The following SPIDR variants were observed in gnomAD, a reference collection of about 807,000 sequenced individuals.
SPIDR encodes scaffold protein involved in DNA repair.
SPIDR carries 93 observed loss-of-function variants against 104.6 expected under a neutral mutation model. The ratio of observed to expected loss-of-function variants is 0.89; its 90% CI spans 0.75 to 1.06. The LOEUF (loss-of-function observed/expected upper bound fraction) is 1.06, where lower values mean the gene tolerates loss of function less well. SPIDR is among the 50% of genes least tolerant of loss of function. The pLI is 0.00. For synonymous variants in SPIDR, 431 were observed against 416.9 expected, an observed-to-expected ratio of 1.03 and a Z score of -0.41; for missense variants, 1,154 against 1,111.2, an observed-to-expected ratio of 1.04 and a Z score of -0.55.
intron 8 of SPIDR, among the ~76,000 whole-genome samples, chr8:47,479,460 T>C (rs2076645217): frequency 6.6e-6 from 1 of 152,206 alleles, no homozygotes; most frequent in Non-Finnish European, 1.5e-5. Context: ...TTTCCCCTGC[T>C]CTGACTCCCA....
intron 8 of SPIDR, chr8:47,528,130 T>C (rs902811857): frequency 1.3e-5 from 2 of 152,186 alleles, no homozygotes; most frequent in Non-Finnish European, 2.9e-5. Flanking sequence ...TTTTTTAAAA[T>C]AAATCGTTGT....
chr8:47,712,549 T>G, intron 14 of SPIDR, 113 bp from the exon 15 acceptor site: 1 of 1,196,118 alleles, frequency 8.4e-7, no homozygotes, highest in South Asian at 1.5e-5. Flanking sequence ...TGTTTTAAAG[T>G]GTTTTTGAAA....
chr8:47,513,763 G>A (rs1259121179), intron 8 of SPIDR, among the ~76,000 whole-genome samples: 3 of 152,160 alleles, frequency 2.0e-5, no homozygotes, highest in East Asian at 1.9e-4. Flanking sequence ...ATAAGGGTGA[G>A]GGAGGAGGAG....
chr8:47,704,538 C>A (rs369617188), intron 14 of SPIDR, among the ~76,000 whole-genome samples: 1 of 152,104 alleles, frequency 6.6e-6, no homozygotes, highest in South Asian at 2.1e-4. Context: ...CGCAACACAC[C>A]CCCACCCCCA....
intron 5 of SPIDR, among the ~76,000 whole-genome samples, chr8:47,346,077 T>C (rs528847185): frequency 1.3e-5 from 2 of 152,364 alleles, no homozygotes; most frequent in East Asian, 3.9e-4. Context: ...TTTTGCCCAT[T>C]CAGCATGACA....
intron 7 of SPIDR, among the ~76,000 whole-genome samples, chr8:47,414,965 A>G (rs2064030107): frequency 1.3e-5 from 2 of 152,056 alleles, no homozygotes; most frequent in East Asian, 3.9e-4. Context: ...GTGCAGTGGC[A>G]CCATCTCAGC....
chr8:47,592,638 C>T (rs1361118931), intron 8 of SPIDR: 2 of 1,063,596 alleles, frequency 1.9e-6, no homozygotes, highest in African/African-American at 1.6e-5. Context: ...GGCCTCTGGT[C>T]TAGTCTCCGG....
intron 10 of SPIDR, among the ~76,000 whole-genome samples, chr8:47,622,509 T>G (rs2154435362): frequency 6.6e-6 from 1 of 152,280 alleles, no homozygotes; most frequent in African/African-American, 2.4e-5. Context: ...TTTGGTGCTC[T>G]GCCTCACCTG....
intron 8 of SPIDR, among the ~76,000 whole-genome samples, chr8:47,549,198 T>A (rs2090021205): frequency 6.6e-6 from 1 of 152,228 alleles, no homozygotes; most frequent in Non-Finnish European, 1.5e-5. Flanking sequence ...GTTCCAAGTC[T>A]TTGCTATTGT....
chr8:47,303,706 C>T (rs1475834463), intron 5 of SPIDR, among the ~76,000 whole-genome samples: 2 of 152,136 alleles, frequency 1.3e-5, no homozygotes. Flanking sequence ...AAGGGTAAAT[C>T]CCACTTGATC....
intron 9 of SPIDR, 50 bp from the exon 10 acceptor site, chr8:47,598,896 A>G: frequency 6.2e-7 from 1 of 1,607,666 alleles, no homozygotes; most frequent in South Asian, 1.1e-5. Flanking sequence ...TGTTAGCCGA[A>G]CTGAAACTTT....
chr8:47,627,783 C>T (rs1371763606), intron 10 of SPIDR, among the ~76,000 whole-genome samples: 1 of 152,170 alleles, frequency 6.6e-6, no homozygotes, highest in Non-Finnish European at 1.5e-5. Context: ...CCGGTTCATT[C>T]ACTGAGAGCA....
chr8:47,427,849 T>C (rs964813515), intron 7 of SPIDR, among the ~76,000 whole-genome samples: 1 of 152,158 alleles, frequency 6.6e-6, no homozygotes, highest in Non-Finnish European at 1.5e-5. Flanking sequence ...TGAGATGGGG[T>C]TGTGGTCCAG....
intron 11 of SPIDR, among the ~76,000 whole-genome samples, chr8:47,681,073 AAGAG>A (rs764673621): frequency 1.7e-4 from 26 of 152,152 alleles, no homozygotes; most frequent in African/African-American, 6.0e-4. Flanking sequence ...AAAAAACAAA[AAGAG>A]AGAGAGAGAG....
chr8:47,569,476 C>T (rs1230600186), intron 8 of SPIDR, among the ~76,000 whole-genome samples: 3 of 152,138 alleles, frequency 2.0e-5, no homozygotes, highest in Non-Finnish European at 4.4e-5. Flanking sequence ...TTGTCAAGTG[C>T]ACATGGAACA....
chr8:47,500,431 T>C (rs1180880690), intron 8 of SPIDR, among the ~76,000 whole-genome samples: 1 of 152,258 alleles, frequency 6.6e-6, no homozygotes, highest in African/African-American at 2.4e-5. Flanking sequence ...TTTGGCTGCA[T>C]AAATGTCTTC....
intron 6 of SPIDR, among the ~76,000 whole-genome samples, chr8:47,401,113 G>C (rs2061822749): frequency 6.6e-6 from 1 of 152,164 alleles, no homozygotes; most frequent in Non-Finnish European, 1.5e-5. Flanking sequence ...ACAAAGAGAA[G>C]CCCATCAGAC....
At chr8:47,669,767 C>T (rs563382739) in intron 10 of SPIDR, among the ~76,000 whole-genome samples, 40 of 152,256 alleles carry the variant, frequency 2.6e-4, no homozygotes, top group African/African-American at 9.1e-4. Flanking sequence ...TTTGGGAGGC[C>T]AAGGCGGGTG....
At chr8:47,481,696 A>G (rs1166780392) in intron 8 of SPIDR, among the ~76,000 whole-genome samples, 1 of 152,226 alleles carries the variant, frequency 6.6e-6, no homozygotes, top group Non-Finnish European at 1.5e-5. Context: ...ACTTGGAGGT[A>G]GGAAAACAAT....
Sources: allele counts gnomAD v4.1 joint callset (sites outside exome capture counted in the v4.1 genomes callset), GRCh38; gene constraint gnomAD v4.1.1; transcripts MANE v1.5; gene names NCBI Gene and HGNC (gene_info 2026-07-23, HGNC 2026-07-21).